TRPM3: variants seen among roughly 807,000 people sequenced by gnomAD.
The protein encoded by TRPM3 is transient receptor potential cation channel subfamily M member 3.
A neutral mutation model predicts 181.2 loss-of-function variants in TRPM3; 77 were observed. The observed-to-expected ratio is 0.42, with a 90% CI of 0.35 to 0.51. TRPM3 has a LOEUF of 0.51. Ranked by LOEUF, TRPM3 falls within the 20% of genes least tolerant of loss-of-function variation. The pLI, the probability that TRPM3 is intolerant of heterozygous loss-of-function variation, is 0.01. For missense variants in TRPM3, 1,759 were observed against 2,196.7 expected (o/e 0.80, Z 3.98); for synonymous variants, 745 against 796.4 (o/e 0.94, Z 1.09).
At chr9:70,841,493 G>GAAAAT (rs572100193) in intron 5 of TRPM3, among the ~76,000 whole-genome samples, 2,012 of 150,318 alleles carry the variant, frequency 0.013, 46 homozygotes, top group African/African-American at 0.046. Flanking sequence ...TTTTATTAAG[G>GAAAAT]AAAATAAATC....
intron 22 of TRPM3, among the ~76,000 whole-genome samples, chr9:70,556,713 C>A (rs918159542): frequency 1.3e-5 from 2 of 152,066 alleles, no homozygotes; most frequent in Admixed American, 1.3e-4. Flanking sequence ...CACAGCAAGA[C>A]CCTGTCTCAA....
At chr9:70,929,561 G>A (rs2133389344) in intron 1 of TRPM3, among the ~76,000 whole-genome samples, 1 of 152,138 alleles carries the variant, frequency 6.6e-6, no homozygotes, top group East Asian at 1.9e-4. Context: ...CATGAATTGT[G>A]TTTTCCAAAG....
intron 1 of TRPM3, among the ~76,000 whole-genome samples, chr9:71,049,933 T>A (rs1340495439): frequency 6.6e-6 from 1 of 152,182 alleles, no homozygotes; most frequent in African/African-American, 2.4e-5. Context: ...ACTGTTCTGA[T>A]AGTCAACAAT....
intron 1 of TRPM3, among the ~76,000 whole-genome samples, chr9:71,279,132 T>C (rs573396400): frequency 4.6e-5 from 7 of 151,574 alleles, no homozygotes; most frequent in African/African-American, 1.7e-4. Flanking sequence ...TACCCCATAG[T>C]GGAAATGAAA....
intron 1 of TRPM3, among the ~76,000 whole-genome samples, chr9:70,946,992 G>A (rs1452661105): frequency 3.9e-5 from 6 of 152,084 alleles, no homozygotes; most frequent in Non-Finnish European, 7.4e-5. Context: ...ATAGTTCCTA[G>A]ATTTAAGCTA....
intron 1 of TRPM3, among the ~76,000 whole-genome samples, chr9:70,938,975 TAAAAAATA>T (rs1237797286): frequency 6.7e-6 from 1 of 150,218 alleles, no homozygotes; most frequent in Non-Finnish European, 1.5e-5. Flanking sequence ...AAAATAAAAA[TAAAAAATA>T]AAAAAATAAA....
At chr9:71,103,592 G>A (rs182925997) in intron 1 of TRPM3, among the ~76,000 whole-genome samples, 5 of 152,280 alleles carry the variant, frequency 3.3e-5, no homozygotes, top group East Asian at 3.9e-4. Context: ...CAATGACCCA[G>A]TAAGTCTTCA....
intron 8 of TRPM3, among the ~76,000 whole-genome samples, chr9:70,742,016 T>C (rs914324531): frequency 1.2e-4 from 18 of 152,186 alleles, no homozygotes; most frequent in African/African-American, 4.3e-4. Context: ...GGCTTAAGCC[T>C]GCACCTGACT....
chr9:70,635,893 G>A (rs1028728584), intron 11 of TRPM3, among the ~76,000 whole-genome samples: 1 of 152,190 alleles, frequency 6.6e-6, no homozygotes, highest in Admixed American at 6.5e-5. Context: ...GCCAAAATAT[G>A]ATGGAAGAAG....
intron 1 of TRPM3, among the ~76,000 whole-genome samples, chr9:71,391,852 T>C (rs1416201729): frequency 6.6e-6 from 1 of 152,118 alleles, no homozygotes; most frequent in Non-Finnish European, 1.5e-5. Flanking sequence ...TAAGGTATAA[T>C]AGTTAAACAT....
chr9:70,997,431 G>T (rs956610565), intron 1 of TRPM3, among the ~76,000 whole-genome samples: 3 of 152,114 alleles, frequency 2.0e-5, no homozygotes, highest in African/African-American at 7.2e-5. Flanking sequence ...TCCTGACCTC[G>T]TGATCTGCCT....
At chr9:71,006,298 C>CAAA in intron 1 of TRPM3, among the ~76,000 whole-genome samples, 1 of 151,638 alleles carries the variant, frequency 6.6e-6, no homozygotes, top group African/African-American at 2.4e-5. Context: ...TACAAAACAC[C>CAAA]ATAAAGCAAG....
intron 1 of TRPM3, among the ~76,000 whole-genome samples, chr9:71,048,802 C>G (rs1442913539): frequency 6.6e-6 from 1 of 152,176 alleles, no homozygotes; most frequent in Non-Finnish European, 1.5e-5. Flanking sequence ...CCTCAGAAAG[C>G]AAAACCTCAC....
intron 1 of TRPM3, among the ~76,000 whole-genome samples, chr9:71,254,738 A>G (rs563965318): frequency 6.6e-6 from 1 of 152,334 alleles, no homozygotes; most frequent in South Asian, 2.1e-4. Flanking sequence ...TCTTGTACAT[A>G]TTTAGACAGT....
intron 1 of TRPM3, among the ~76,000 whole-genome samples, chr9:70,900,630 G>C (rs577506259): frequency 8.5e-4 from 129 of 152,252 alleles, no homozygotes; most frequent in African/African-American, 2.3e-3. Flanking sequence ...AATATAAGCA[G>C]TTGGTTCACT....
At chr9:71,358,071 A>G (rs2091981829) in intron 1 of TRPM3, among the ~76,000 whole-genome samples, 1 of 152,166 alleles carries the variant, frequency 6.6e-6, no homozygotes, top group Admixed American at 6.6e-5. Flanking sequence ...AGAGAACACA[A>G]TAATTTCTCA....
intron 1 of TRPM3, among the ~76,000 whole-genome samples, chr9:71,392,024 T>A (rs991907667): frequency 6.6e-6 from 1 of 151,966 alleles, no homozygotes; most frequent in Non-Finnish European, 1.5e-5. Context: ...TAAAGAAAAA[T>A]TCAGTAGAAT....
intron 1 of TRPM3, among the ~76,000 whole-genome samples, chr9:71,291,668 T>C (rs1443900076): frequency 1.3e-5 from 2 of 152,092 alleles, no homozygotes; most frequent in Non-Finnish European, 2.9e-5. Flanking sequence ...CAAATGTATA[T>C]GACCCTACAA....
intron 1 of TRPM3, among the ~76,000 whole-genome samples, chr9:71,055,466 G>A (rs1454406227): frequency 6.6e-6 from 1 of 152,012 alleles, no homozygotes; most frequent in East Asian, 1.9e-4. Flanking sequence ...CAAAAACAAG[G>A]TGTCCAGCTT....
Sources: allele counts gnomAD v4.1 joint callset (sites outside exome capture counted in the v4.1 genomes callset), GRCh38; gene constraint gnomAD v4.1.1; transcripts MANE v1.5; gene names NCBI Gene and HGNC (gene_info 2026-07-23, HGNC 2026-07-21).